Variants in GRM6 observed in about 807,000 individuals in gnomAD.
GRM6 encodes the protein glutamate metabotropic receptor 6, also known as metabotropic glutamate receptor 6.
GRM6 carries 73 observed loss-of-function variants against 78.4 expected under a neutral mutation model. The ratio of observed to expected loss-of-function variants is 0.93; its 90% CI spans 0.77 to 1.13. The LOEUF is 1.13. Ranked by LOEUF, GRM6 falls within the 50% of genes most tolerant of loss-of-function variation. The probability of loss-of-function intolerance (pLI) is 0.00; values close to 1 mark genes in which losing one functional copy is unlikely to be tolerated. For missense variants in GRM6, 1,251 were observed against 1,256.4 expected (o/e 1.00, Z 0.07); for synonymous variants, 580 against 555.0 (o/e 1.05, Z -0.63).
chr5:178,985,666 G>A (rs59347166), intron 9 of GRM6: 30,710 of 392,956 alleles, frequency 0.078, 2,357 homozygotes, highest in East Asian at 0.34. Flanking sequence ...TAGTGCCACT[G>A]CACTCCAGCC....
Position 178,982,929 on chromosome 5 carries a change from G to A in GRM6, c.2417C>T (p.Thr806Ile). ...CATTACCTTTTCAGCTGACTGGGCA[G>A]TGCCAAAGAAGATGGGCACGAATGC... ...WLAFVPIFFGTAQSAEKIYIQ... is the reference protein window; with the variant it reads ...WLAFVPIFFGIAQSAEKIYIQ... The change falls in exon 10 of 11, where the codon ACT (threonine) becomes ATT (isoleucine). Residue 806 changes from threonine (T) to isoleucine (I), a missense_variant. Coordinates refer to ENST00000517717, the MANE Select transcript of GRM6 (RefSeq NM_000843.4). The A allele has an allele frequency of 1.2e-6, 2 of 1,613,926 alleles. No homozygotes were observed. The highest frequency in any genetic ancestry group is 1.7e-6 in the Non-Finnish European group (2 of 1,179,766).
At position 178,981,436 on chromosome 5, in the gene GRM6, G is replaced by A. The variant is rs747398150; in HGVS notation, c.*221C>T. Reference sequence around the variant, plus strand: ...GTGGCTGTTTCCCACCATGGGAAGCGAGTCTGGTCTGTGGTGAGGAAGCAT... The same window carrying A: ...GTGGCTGTTTCCCACCATGGGAAGCAAGTCTGGTCTGTGGTGAGGAAGCAT... On this transcript the variant is annotated 3_prime_UTR_variant, in exon 11 of 11. Transcript: ENST00000517717. This position sits in a 1 kb window ranked among gnomAD's most constrained non-coding sequence, Gnocchi z 5.1. 9.9e-5 allele frequency: 55 copies of A among 555,978 alleles called. No individual in the cohort carries two copies. Among genetic ancestry groups the A allele is most frequent in the Non-Finnish European group, 1.5e-4 (46 of 311,478 alleles). 34.4% of individuals were successfully genotyped at this position (555,978 alleles called of 1,614,324 possible).
chr5:178,992,712 G>A lies in GRM6; in HGVS notation c.505-629C>T, dbSNP rs75726065. Among the ~76,000 whole-genome samples, 210 of 152,214 alleles carry A rather than the reference G, an allele frequency of 1.4e-3. 3 individuals carry two copies. In the East Asian group the frequency reaches 0.027, roughly 19 times the overall value. ...AAGGCCGCCAAGAGGGGGCTATGGG[G>A]CTCCAGCGCAAGAGGGGCTATAGCA... On this transcript the variant is annotated intron_variant, in intron 2 of 10. Transcript: ENST00000517717. The surrounding 1 kb of genome is among the most constrained non-coding windows in gnomAD (Gnocchi z 4.9).
At position 178,981,429 on chromosome 5, in the gene GRM6, G is replaced by A; in HGVS notation, c.*228C>T. On this transcript the variant is annotated 3_prime_UTR_variant, in exon 11 of 11. Transcript: ENST00000517717. This position sits in a 1 kb window ranked among gnomAD's most constrained non-coding sequence, Gnocchi z 5.1. ...CTTCTCGGTGGCTGTTTCCCACCATGGGAAGCGAGTCTGGTCTGTGGTGAG... is the reference window on the plus strand; with the variant it reads ...CTTCTCGGTGGCTGTTTCCCACCATAGGAAGCGAGTCTGGTCTGTGGTGAG... 7.7e-6 allele frequency: 4 copies of A among 517,580 alleles called. No homozygotes were observed. Among genetic ancestry groups the A allele is most frequent in the South Asian group, 2.6e-5 (1 of 38,138 alleles). The allele number at this position is 517,580 out of a possible 1,614,324, so 32.1% of individuals were successfully genotyped here.
intron 9 of GRM6, chr5:178,985,590 C>T (rs879020044): frequency 1.4e-5 from 5 of 348,680 alleles, no homozygotes; most frequent in African/African-American, 4.4e-5. Context: ...GTAGTCCCAG[C>T]TACTCGGGAG....
chr5:178,989,615 G>A, intron 5 of GRM6: 2 of 635,900 alleles, frequency 3.1e-6, no homozygotes, highest in Non-Finnish European at 5.6e-6. Context: ...AGCTAGGCGT[G>A]GCCAGGTGAC....
chr5:178,991,588 T>G lies in GRM6; in HGVS notation c.722-29A>C. 6.2e-7 allele frequency: 1 copy of G among 1,613,136 alleles called. No homozygotes were observed. The highest frequency in any genetic ancestry group is 8.5e-7 in the Non-Finnish European group (1 of 1,179,400). On this transcript the variant is annotated intron_variant, in intron 3 of 10. Coordinates refer to ENST00000517717, the MANE Select transcript of GRM6 (RefSeq NM_000843.4). The surrounding 1 kb of genome is among the most constrained non-coding windows in gnomAD (Gnocchi z 5.0). ...GGCGTTGGGGGTGCCAGAGTCAGCT[T>G]CCGTCCCACCCACCCACACACCCAC...
At chr5:178,989,211 A>ACCCCCCCCCCCCC in intron 6 of GRM6, 54 bp downstream of exon 6, 1 of 121,736 alleles carries the variant, frequency 8.2e-6, no homozygotes, top group Non-Finnish European at 1.3e-5. Context: ...CCCCCTCCCC[A>ACCCCCCCCCCCCC]CCCTCACCAC....
intron 9 of GRM6, among the ~76,000 whole-genome samples, chr5:178,984,180 A>G (rs116078255): frequency 0.029 from 4,202 of 145,578 alleles, 85 homozygotes; most frequent in South Asian, 0.076. Context: ...CTCCAGGTGG[A>G]AAAAAAAAAA....
At chr5:178,985,517 C>A (rs1471712414) in intron 9 of GRM6, 24 of 339,116 alleles carry the variant, frequency 7.1e-5, no homozygotes, top group Admixed American at 2.0e-4. Flanking sequence ...TCCTGGCTAA[C>A]ACGGTGAAGC....
At position 178,986,245 on chromosome 5, in the gene GRM6, G is replaced by A; in HGVS notation, c.2009C>T (p.Thr670Ile). ...GTTLSYSALL[T>I]KTNRIYRIFE... Reference sequence around the variant, plus strand: ...GATGCGGTAGATACGGTTGGTCTTGGTGAGCAGGGCAGAGTAGCTGAGGGT... The same window carrying A: ...GATGCGGTAGATACGGTTGGTCTTGATGAGCAGGGCAGAGTAGCTGAGGGT... The change falls in exon 9 of 11, where the codon ACC (threonine) becomes ATC (isoleucine). Residue 670 changes from threonine (T) to isoleucine (I), a missense_variant. By Grantham distance (89) the Thr-to-Ile change is moderately conservative. Transcript: ENST00000517717. 2 of 1,614,214 alleles carry A rather than the reference G, an allele frequency of 1.2e-6. No individual in the cohort carries two copies. The highest frequency in any genetic ancestry group is 1.7e-6 in the Non-Finnish European group (2 of 1,180,032).
At chr5:178,984,263 G>A (rs1267266638) in intron 9 of GRM6, among the ~76,000 whole-genome samples, 1 of 146,776 alleles carries the variant, frequency 6.8e-6, no homozygotes, top group East Asian at 2.0e-4. Context: ...CACAGATGCC[G>A]CAGCCCGTGG....
Position 178,986,273 on chromosome 5 carries a change from TGCCCAG to T in GRM6, c.1975_1980del (p.Leu659_Gly660del). 6.2e-7 allele frequency: 1 copy of T among 1,614,078 alleles called. No homozygotes were observed. The highest frequency in any genetic ancestry group is 1.3e-5 in the African/African-American group (1 of 75,048). The stretch of plus-strand genomic sequence containing the variant: ...AGCAGGGCAGAGTAGCTGAGGGTCG[TGCCCAG>T]GCCCAGGAAGAGCCTGCGGGCGGCA... On this transcript the variant is annotated inframe_deletion, in exon 9 of 11. Coordinates refer to ENST00000517717, the MANE Select transcript of GRM6 (RefSeq NM_000843.4).
At chr5:178,984,021 C>T (rs1760458782) in intron 9 of GRM6, among the ~76,000 whole-genome samples, 1 of 152,204 alleles carries the variant, frequency 6.6e-6, no homozygotes, top group East Asian at 1.9e-4. Context: ...GCTTTGCAGT[C>T]ATCTGCCCAC....
At chr5:178,993,487 C>G (rs1760717918) in intron 2 of GRM6, among the ~76,000 whole-genome samples, 1 of 152,176 alleles carries the variant, frequency 6.6e-6, no homozygotes. Context: ...TGTGCGCAGA[C>G]GATAGGGAGC....
intron 6 of GRM6, 31 bp downstream of exon 6, chr5:178,989,234 C>T (rs762924573): frequency 6.3e-5 from 90 of 1,423,980 alleles, no homozygotes; most frequent in Non-Finnish European, 8.2e-5. Context: ...TCCCCACCCT[C>T]CCCACCCTCA....
rs555037586 is a variant in GRM6, at chr5:178,986,465, T to C, written c.1789A>G (p.Ile597Val). 1 of 1,612,626 alleles carries C rather than the reference T, an allele frequency of 6.2e-7. No individual in the cohort carries two copies. The part of the protein sequence containing the change: ...APPLLLAVLG[I>V]VATTTVVATF... ...GCCACCACCGTGGTAGTGGCCACGA[T>C]GCCCAGCACGGCCAGGAGGAGCGGC... Residue 597 changes from isoleucine to valine, a missense_variant, in exon 9 of 11, where the codon ATC becomes GTC. Ile to Val is a conservative substitution (Grantham distance 29). Transcript: ENST00000517717.
In GRM6 at chr5:178,991,096, C is replaced by T. The variant is rs114293981; in HGVS notation, c.857+328G>A. ...GGCCGGTGGGTCTCGGGCTGGGGTC[C>T]GCAGCCTCTGTATGGACCCTGGGCT... On this transcript the variant is annotated intron_variant, in intron 4 of 10. Transcript: ENST00000517717. The surrounding 1 kb of genome is among the most constrained non-coding windows in gnomAD (Gnocchi z 5.0). Among the ~76,000 whole-genome samples, 355 of 152,180 alleles carry T rather than the reference C, an allele frequency of 2.3e-3. 2 individuals carry two copies. Among genetic ancestry groups the T allele is most frequent in the African/African-American group, 7.4e-3 (307 of 41,532 alleles).
rs1760572523 is a variant in GRM6, at chr5:178,986,871, T to TG, written c.1466dup (p.Val490SerfsTer55). The TG allele has an allele frequency of 2.5e-6, 4 of 1,613,920 alleles. No homozygotes were observed. The highest frequency in any genetic ancestry group is 3.4e-6 in the Non-Finnish European group (4 of 1,179,998). The stretch of plus-strand genomic sequence containing the variant: ...TGAGGGTCTCTGCCCACTGGCCCAC[T>TG]GCCTGGTACCCGCCACTGCTGGCAC... On this transcript the variant is annotated frameshift_variant, in exon 8 of 11. Transcript: ENST00000517717. LOFTEE classifies it high-confidence loss of function.
Sources: allele counts gnomAD v4.1 joint callset (sites outside exome capture counted in the v4.1 genomes callset), GRCh38; gene constraint gnomAD v4.1.1; non-coding constraint Gnocchi (gnomAD v3.1); transcripts MANE v1.5; gene names NCBI Gene and HGNC (gene_info 2026-07-23, HGNC 2026-07-21).